SLIT1: variants seen among roughly 807,000 people sequenced by gnomAD.
SLIT1 encodes the protein slit guidance ligand 1, also known as slit homolog 1 protein.
SLIT1 carries 66 observed loss-of-function variants against 186.1 expected under a neutral mutation model. That is an observed-to-expected ratio of 0.35 (90% CI 0.29 to 0.44). The LOEUF (loss-of-function observed/expected upper bound fraction) is 0.44. Ranked by LOEUF, SLIT1 falls within the 20% of genes least tolerant of loss-of-function variation. The pLI is 1.00. For missense variants in SLIT1, 1,638 were observed against 2,037.4 expected (o/e 0.80, Z 3.77); for synonymous variants, 761 against 833.8 (o/e 0.91, Z 1.50).
intron 4 of SLIT1, among the ~76,000 whole-genome samples, chr10:97,122,331 G>C (rs1346352232): frequency 6.6e-6 from 1 of 152,194 alleles, no homozygotes; most frequent in African/African-American, 2.4e-5. Context: ...ATATCTAATA[G>C]ATAGCAAGGG....
At chr10:97,125,440 G>A (rs1166464555) in intron 4 of SLIT1, among the ~76,000 whole-genome samples, 1 of 151,672 alleles carries the variant, frequency 6.6e-6, no homozygotes, top group Non-Finnish European at 1.5e-5. Flanking sequence ...AGGCTGAGAT[G>A]GGAGAATCGC....
chr10:97,005,691 G>A (rs1398484724), intron 32 of SLIT1, among the ~76,000 whole-genome samples: 1 of 152,216 alleles, frequency 6.6e-6, no homozygotes, highest in African/African-American at 2.4e-5. Context: ...TATTTTTGGC[G>A]GTTAGGCTAG....
intron 4 of SLIT1, among the ~76,000 whole-genome samples, chr10:97,091,702 TC>T (rs572428906): frequency 6.6e-6 from 1 of 152,220 alleles, no homozygotes; most frequent in Non-Finnish European, 1.5e-5. Context: ...GTTTTTATCT[TC>T]CTTTTGCAAA....
chr10:97,122,142 G>A (rs1021141001), intron 4 of SLIT1, among the ~76,000 whole-genome samples: 1 of 152,172 alleles, frequency 6.6e-6, no homozygotes, highest in Admixed American at 6.5e-5. Context: ...TTCTGAGAGG[G>A]AGGCTGCTAC....
intron 4 of SLIT1, among the ~76,000 whole-genome samples, chr10:97,120,855 G>T (rs1381271130): frequency 6.6e-6 from 1 of 152,202 alleles, no homozygotes; most frequent in South Asian, 2.1e-4. Context: ...TACGGGAGAA[G>T]CTGCCTGAAA....
At chr10:97,049,331 GGGT>G (rs1217376731) in intron 13 of SLIT1, among the ~76,000 whole-genome samples, 1 of 152,192 alleles carries the variant, frequency 6.6e-6, no homozygotes, top group Admixed American at 6.5e-5. Context: ...TACAGGTGAA[GGGT>G]CTCTGCCACC....
At chr10:97,037,590 A>C (rs1183317336) in intron 22 of SLIT1, 108 bp downstream of exon 22, 3 of 831,964 alleles carry the variant, frequency 3.6e-6, no homozygotes, top group Admixed American at 2.1e-5. Flanking sequence ...AAAGGAAAAG[A>C]AGCAGGATCT....
At chr10:97,152,469 G>C (rs1158050810) in intron 4 of SLIT1, among the ~76,000 whole-genome samples, 1 of 152,116 alleles carries the variant, frequency 6.6e-6, no homozygotes, top group Non-Finnish European at 1.5e-5. Flanking sequence ...CACCTCCCGT[G>C]TGCCACAGTG....
Position 97,063,545 on chromosome 10 carries a change from T to C in SLIT1, c.703A>G (p.Thr235Ala), listed in dbSNP as rs753340975. 1 of 1,613,124 alleles carries C rather than the reference T, an allele frequency of 6.2e-7. No homozygotes were observed. ...GAGCACTGGGTGAAGAGCCCGATGG[T>C]TGGCCGCTGCCTCAGCCACTGCGAG... Reference protein sequence around the residue: ...WLSQWLRQRPTIGLFTQCSGP... With the variant: ...WLSQWLRQRPAIGLFTQCSGP... Residue 235 changes from threonine to alanine, a missense_variant, in exon 8 of 37, where the codon ACC becomes GCC. By Grantham distance (58) the Thr-to-Ala change is moderately conservative. Coordinates refer to ENST00000266058, the MANE Select transcript of SLIT1 (RefSeq NM_003061.3).
At chr10:97,172,422 G>A (rs1341959366) in intron 1 of SLIT1, among the ~76,000 whole-genome samples, 1 of 152,176 alleles carries the variant, frequency 6.6e-6, no homozygotes, top group African/African-American at 2.4e-5. Context: ...GCTCCCTGGG[G>A]ACACAGACCG....
intron 4 of SLIT1, among the ~76,000 whole-genome samples, chr10:97,140,140 G>A (rs1022616776): frequency 1.6e-4 from 25 of 152,138 alleles, no homozygotes; most frequent in Admixed American, 1.5e-3. Flanking sequence ...ACCATGGGGA[G>A]GGTGAAAGAG....
chr10:97,141,740 TCG>T (rs879326127), intron 4 of SLIT1, among the ~76,000 whole-genome samples: 177 of 148,372 alleles, frequency 1.2e-3, no homozygotes, highest in African/African-American at 4.1e-3. Context: ...CTGTATTGTA[TCG>T]TATCGTATCG....
chr10:97,129,473 T>C (rs1849633927), intron 4 of SLIT1, among the ~76,000 whole-genome samples: 1 of 152,108 alleles, frequency 6.6e-6, no homozygotes, highest in South Asian at 2.1e-4. Flanking sequence ...CCCATCACAG[T>C]GCCTGATCTC....
chr10:97,011,945 T>C, intron 30 of SLIT1, among the ~76,000 whole-genome samples: 1 of 152,156 alleles, frequency 6.6e-6, no homozygotes. Context: ...TCCCCTTGTC[T>C]GATCGCCTTC....
intron 4 of SLIT1, among the ~76,000 whole-genome samples, chr10:97,097,089 G>T (rs1230250941): frequency 2.6e-5 from 4 of 152,130 alleles, no homozygotes; most frequent in Non-Finnish European, 5.9e-5. Context: ...CCTGCCTCCG[G>T]GCTCCTCACT....
intron 1 of SLIT1, among the ~76,000 whole-genome samples, chr10:97,174,112 T>C (rs1220921936): frequency 6.6e-6 from 1 of 152,164 alleles, no homozygotes; most frequent in African/African-American, 2.4e-5. Context: ...CGCCCTCTTC[T>C]AAACCAGCTT....
Position 97,057,119 on chromosome 10 carries a change from C to A in SLIT1, c.1157+91G>T. ...TCATTGTCTCAATTGAGTCCCATAC[C>A]CAAGAGAGGCCTAAAGGGACAGTCT... On this transcript the variant is annotated intron_variant, in intron 12 of 36. Transcript: ENST00000266058. 5.1e-6 allele frequency: 5 copies of A among 979,880 alleles called. No homozygotes were observed. In the South Asian group the frequency reaches 7.4e-5, roughly 14 times the overall value. 60.7% of individuals were successfully genotyped at this position (979,880 alleles called of 1,614,324 possible). A position where few individuals can be genotyped will look rare whatever the true frequency, so the allele number is the denominator to read the frequency against.
In SLIT1 at chr10:97,060,798, AG is replaced by A; in HGVS notation, c.794-12del. On this transcript the variant is annotated splice_polypyrimidine_tract_variant and intron_variant, in intron 8 of 36. Coordinates refer to ENST00000266058, the MANE Select transcript of SLIT1 (RefSeq NM_003061.3). Reference sequence around the variant, plus strand: ...CCGCTTCTCCCTGGCCTGCAGAAACAGGGGGGTGTGGCCTCAGGCTGTCATG... The same window carrying A: ...CCGCTTCTCCCTGGCCTGCAGAAACAGGGGGTGTGGCCTCAGGCTGTCATG... The A allele has an allele frequency of 1.9e-6, 3 of 1,581,414 alleles. No individual in the cohort carries two copies. Among genetic ancestry groups the A allele is most frequent in the Non-Finnish European group, 1.7e-6 (2 of 1,163,752 alleles).
intron 23 of SLIT1, 124 bp from the exon 24 acceptor site, chr10:97,031,801 C>T (rs1481387891): frequency 1.4e-6 from 1 of 722,104 alleles, no homozygotes; most frequent in Non-Finnish European, 2.3e-6. Context: ...TGAGGGGAGG[C>T]AGAGCAGCCG....
Sources: allele counts gnomAD v4.1 joint callset (sites outside exome capture counted in the v4.1 genomes callset), GRCh38; gene constraint gnomAD v4.1.1; transcripts MANE v1.5; gene names NCBI Gene and HGNC (gene_info 2026-07-23, HGNC 2026-07-21).